ABLIM1: variants seen among roughly 807,000 people sequenced by gnomAD.
ABLIM1 encodes actin-binding LIM protein 1.
ABLIM1 carries 40 observed loss-of-function variants against 107.0 expected under a neutral mutation model. The observed-to-expected ratio is 0.37, with a 90% CI of 0.29 to 0.49. ABLIM1 has a LOEUF of 0.49. Ranked by LOEUF, ABLIM1 falls within the 20% of genes least tolerant of loss-of-function variation. ABLIM1 has a pLI of 0.97. For synonymous variants in ABLIM1, 357 were observed against 357.3 expected (o/e 1.00, Z 0.01); for missense variants, 857 against 1,008.5 (o/e 0.85, Z 2.04).
intron 1 of ABLIM1, among the ~76,000 whole-genome samples, chr10:114,612,632 G>A (rs556058197): frequency 2.0e-5 from 3 of 152,272 alleles, no homozygotes; most frequent in Non-Finnish European, 2.9e-5. Context: ...GTCACCCAGG[G>A]ATCTCAAACT....
At chr10:114,754,536 T>G (rs960812792) in intron 1 of ABLIM1, among the ~76,000 whole-genome samples, 7 of 152,148 alleles carry the variant, frequency 4.6e-5, no homozygotes, top group African/African-American at 1.7e-4. Context: ...AGAAATTTAG[T>G]TATCAGAGGA....
intron 4 of ABLIM1, 130 bp from the exon 5 acceptor site, chr10:114,547,906 C>T (rs2067562383): frequency 1.6e-6 from 2 of 1,259,664 alleles, no homozygotes; most frequent in African/African-American, 3.0e-5. Context: ...CATCTCGGGT[C>T]AGTTTCTTTC....
In ABLIM1 at chr10:114,433,275, G is replaced by C. The variant is rs1002777970; in HGVS notation, c.*2985C>G. 1 of 152,252 alleles carries C rather than the reference G, an allele frequency of 6.6e-6. No individual in the cohort carries two copies. The highest frequency in any genetic ancestry group is 2.4e-5 in the African/African-American group (1 of 41,470). The allele number at this position is 152,252 out of a possible 1,614,324, so 9.4% of individuals were successfully genotyped here. A position where few individuals can be genotyped will look rare whatever the true frequency, so the allele number is the denominator to read the frequency against. ...ATAGCCATCTTGTGTGCTGTGACCA[G>C]GATGGACATTTTGAGGACAAGCATG... On this transcript the variant is annotated 3_prime_UTR_variant, in exon 23 of 23. Coordinates refer to ENST00000533213, the MANE Select transcript of ABLIM1 (RefSeq NM_002313.7).
At chr10:114,678,544 T>C (rs1031798913) in intron 1 of ABLIM1, among the ~76,000 whole-genome samples, 2 of 152,206 alleles carry the variant, frequency 1.3e-5, no homozygotes, top group African/African-American at 4.8e-5. Flanking sequence ...AAAGCAGCCA[T>C]GTCCATTTAT....
chr10:114,634,018 T>C (rs1038601900), intron 1 of ABLIM1, among the ~76,000 whole-genome samples: 1 of 148,406 alleles, frequency 6.7e-6, no homozygotes, highest in South Asian at 2.2e-4. Context: ...CCATTCCTCC[T>C]CACCCCTTCC....
chr10:114,568,884 T>C (rs1326746740), intron 4 of ABLIM1, among the ~76,000 whole-genome samples: 1 of 152,190 alleles, frequency 6.6e-6, no homozygotes, highest in Admixed American at 6.5e-5. Flanking sequence ...GTGCATAACA[T>C]GTATGCCATA....
At chr10:114,688,026 G>A (rs1009162987), upstream of ABLIM1, among the ~76,000 whole-genome samples, 2 of 151,898 alleles carry the variant, frequency 1.3e-5, no homozygotes, top group Non-Finnish European at 2.9e-5. Context: ...ATTAGGTTGG[G>A]GCAAAAGTCA....
intron 1 of ABLIM1, among the ~76,000 whole-genome samples, chr10:114,613,169 T>C (rs2076924909): frequency 6.6e-6 from 1 of 152,208 alleles, no homozygotes. Context: ...ACTTCACAAT[T>C]TATAAAAGGT....
At chr10:114,750,363 A>G (rs1361295925) in intron 1 of ABLIM1, among the ~76,000 whole-genome samples, 2 of 152,256 alleles carry the variant, frequency 1.3e-5, no homozygotes, top group Non-Finnish European at 2.9e-5. Context: ...AACACTTTCC[A>G]TAATCTCCAT....
chr10:114,565,788 CTTTTTT>C (rs577896964), intron 4 of ABLIM1, among the ~76,000 whole-genome samples: 4 of 101,072 alleles, frequency 4.0e-5, no homozygotes, highest in African/African-American at 1.1e-4. Flanking sequence ...GAAATGATTT[CTTTTTT>C]TTTTTTTTTT....
intron 6 of ABLIM1, chr10:114,526,939 A>T: frequency 1.0e-6 from 1 of 985,472 alleles, no homozygotes; most frequent in South Asian, 4.7e-5. Context: ...TTTACTTACT[A>T]GTTCAACACA....
intron 6 of ABLIM1, among the ~76,000 whole-genome samples, chr10:114,510,676 G>T (rs1056718396): frequency 6.6e-6 from 1 of 151,076 alleles, no homozygotes; most frequent in African/African-American, 2.4e-5. Context: ...TTGAGACAAG[G>T]TCTCACTCCC....
upstream of ABLIM1, among the ~76,000 whole-genome samples, chr10:114,662,011 G>A (rs1284090520): frequency 1.3e-5 from 2 of 152,122 alleles, no homozygotes; most frequent in East Asian, 3.9e-4. Context: ...AAATGAACAT[G>A]GACTTTATTC....
At chr10:114,793,151 C>CAA in the ABLIM1 span, among the ~76,000 whole-genome samples, 2 of 151,506 alleles carry the variant, frequency 1.3e-5, no homozygotes, top group Non-Finnish European at 2.9e-5. Context: ...GACACCATCT[C>CAA]AAAAAAAATA....
intron 1 of ABLIM1, chr10:114,615,686 T>A (rs2077086816): frequency 2.5e-6 from 1 of 398,560 alleles, no homozygotes; most frequent in Admixed American, 2.5e-5. Context: ...AGTCTTTGGG[T>A]GAAACTGAAA....
intron 15 of ABLIM1, among the ~76,000 whole-genome samples, chr10:114,447,544 G>A (rs1429894111): frequency 6.6e-6 from 1 of 152,150 alleles, no homozygotes; most frequent in East Asian, 1.9e-4. Flanking sequence ...ATAGAACAAT[G>A]TTCTTGCCAT....
upstream of ABLIM1, among the ~76,000 whole-genome samples, chr10:114,685,858 C>T (rs925964465): frequency 1.3e-5 from 2 of 152,168 alleles, no homozygotes; most frequent in African/African-American, 2.4e-5. Flanking sequence ...AGTCTTTCAT[C>T]GTTGCATTCT....
chr10:114,470,392 C>T (rs2066246968), intron 10 of ABLIM1, among the ~76,000 whole-genome samples: 2 of 141,478 alleles, frequency 1.4e-5, no homozygotes, highest in African/African-American at 5.4e-5. Flanking sequence ...CACTACACTC[C>T]AGCTGGGTGA....
At position 114,571,481 on chromosome 10, in the gene ABLIM1, G is replaced by C. The variant is rs930351859; in HGVS notation, c.564-75C>G. 5.9e-6 allele frequency: 8 copies of C among 1,358,444 alleles called. No individual in the cohort carries two copies. In the Admixed American group the frequency reaches 7.4e-5, roughly 13 times the overall value. 84.1% of individuals were successfully genotyped at this position (1,358,444 alleles called of 1,614,324 possible). ...CTTTTCCTTATTCCTTCTGCTTGCTGCCCTCCGGTGCCCATTTATTTCTTG... is the reference window on the plus strand; with the variant it reads ...CTTTTCCTTATTCCTTCTGCTTGCTCCCCTCCGGTGCCCATTTATTTCTTG... On this transcript the variant is annotated intron_variant, in intron 3 of 22. Coordinates refer to ENST00000533213, the MANE Select transcript of ABLIM1 (RefSeq NM_002313.7).
Sources: allele counts gnomAD v4.1 joint callset (sites outside exome capture counted in the v4.1 genomes callset), GRCh38; gene constraint gnomAD v4.1.1; transcripts MANE v1.5; gene names NCBI Gene and HGNC (gene_info 2026-07-23, HGNC 2026-07-21).